Variants in APC observed in about 807,000 individuals in gnomAD.
The protein encoded by APC is adenomatous polyposis coli protein.
APC carries 72 observed loss-of-function variants against 247.0 expected under a neutral mutation model. That is an observed-to-expected ratio of 0.29 (90% confidence interval 0.24 to 0.35). The LOEUF is 0.35. APC is among the 10% of genes least tolerant of loss of function. The pLI, the probability that APC is intolerant of heterozygous loss-of-function variation, is 1.00. For missense variants in APC, 3,400 were observed against 3,360.7 expected (o/e 1.01, Z -0.29); for synonymous variants, 1,254 against 1,162.5 (o/e 1.08, Z -1.60).
chr5:112,715,010 A>G (rs974711743), intron 1 of APC, among the ~76,000 whole-genome samples: 5 of 152,200 alleles, frequency 3.3e-5, no homozygotes, highest in Admixed American at 3.3e-4. Context: ...AGATGTTTAG[A>G]AATTTAAGAA....
chr5:112,747,458 C>G (rs947654447), intron 1 of APC, among the ~76,000 whole-genome samples: 24 of 152,152 alleles, frequency 1.6e-4, no homozygotes, highest in Admixed American at 3.9e-4. Context: ...TTACTACTTT[C>G]AGTTATCCAT....
intron 4 of APC, among the ~76,000 whole-genome samples, chr5:112,772,153 A>G (rs1360791532): frequency 1.3e-5 from 2 of 152,228 alleles, no homozygotes; most frequent in African/African-American, 4.8e-5. Flanking sequence ...AGTAAGGTAG[A>G]GGACTAAGAA....
intron 1 of APC, chr5:112,707,978 CTG>C (rs1750625105): frequency 1.1e-5 from 13 of 1,195,852 alleles, no homozygotes; most frequent in South Asian, 1.6e-5. Flanking sequence ...CGGCCCGACT[CTG>C]TGGCTCTCTT....
chr5:112,778,396 G>A (rs914481015), intron 5 of APC: 1 of 151,566 alleles, frequency 6.6e-6, no homozygotes, highest in African/African-American at 2.4e-5. Context: ...CCTAAAACTG[G>A]AATGAGGCAG....
At chr5:112,760,688 G>A (rs1166480338) in intron 2 of APC, among the ~76,000 whole-genome samples, 2 of 152,210 alleles carry the variant, frequency 1.3e-5, no homozygotes, top group Non-Finnish European at 2.9e-5. Context: ...AGGGTAAGAA[G>A]TTAACTGCTG....
At chr5:112,828,810 A>G (rs767026586) in intron 13 of APC, 46 bp from the exon 14 acceptor site, 6 of 1,349,276 alleles carry the variant, frequency 4.4e-6, no homozygotes, top group Middle Eastern at 1.8e-4. Context: ...AAAAGCAACT[A>G]GTATGATTTT....
intron 8 of APC, among the ~76,000 whole-genome samples, chr5:112,803,379 T>C (rs575278343): frequency 1.2e-4 from 18 of 152,288 alleles, no homozygotes; most frequent in African/African-American, 4.3e-4. Context: ...TAAATGGACA[T>C]TGATCGTAAA....
intron 6 of APC, chr5:112,783,806 AAAAG>A (rs1366778570): frequency 2.6e-6 from 1 of 390,128 alleles, no homozygotes; most frequent in African/African-American, 2.1e-5. Context: ...GAAAGAAAAG[AAAAG>A]AAAGAAAACA....
intron 2 of APC, among the ~76,000 whole-genome samples, chr5:112,761,199 A>G (rs1013776842): frequency 6.6e-6 from 1 of 152,148 alleles, no homozygotes; most frequent in Non-Finnish European, 1.5e-5. Context: ...AATACTATCA[A>G]TCATCTTAAG....
At chr5:112,819,374 C>G (rs1198881814) in intron 10 of APC, 30 bp downstream of exon 10, 1 of 1,613,700 alleles carries the variant, frequency 6.2e-7, no homozygotes, top group Non-Finnish European at 8.5e-7. Context: ...CATCGTAGTG[C>G]ATGTTTCAAA....
chr5:112,732,033 G>A (rs112830974), intron 1 of APC, among the ~76,000 whole-genome samples: 1,694 of 152,238 alleles, frequency 0.011, 22 homozygotes, highest in African/African-American at 0.025. Context: ...AAGTGCTGGG[G>A]TTACAGGCAT....
At chr5:112,801,101 C>T (rs1023226802) in intron 7 of APC, among the ~76,000 whole-genome samples, 178 bp from the exon 8 acceptor site, 2 of 152,080 alleles carry the variant, frequency 1.3e-5, no homozygotes, top group African/African-American at 4.8e-5. Context: ...TTCCCCTTAC[C>T]GAGATAGTCG....
intron 1 of APC, among the ~76,000 whole-genome samples, chr5:112,754,401 A>C (rs934625495): frequency 6.6e-6 from 1 of 152,198 alleles, no homozygotes; most frequent in African/African-American, 2.4e-5. Context: ...CCTTTTATCA[A>C]ATAAAAAGTG....
In APC at chr5:112,732,278, A is replaced by G. The variant is rs182936828; in HGVS notation, c.165+24396A>G. 8.1e-3 allele frequency among the ~76,000 whole-genome samples: 1,232 copies of G among 152,304 alleles called. 74 individuals carry two copies. The highest frequency in any genetic ancestry group is 0.074 in the Admixed American group (1,139 of 15,294). On this transcript the variant is annotated intron_variant, in intron 1 of 13. Coordinates refer to the APC transcript ENST00000507379. ...TGGGAACTTCGAGAGCAGAATCTAA[A>G]GGAGTGCTTGGTGTTTCTCATCCCT...
At chr5:112,726,312 T>C (rs1751774539) in intron 1 of APC, among the ~76,000 whole-genome samples, 1 of 152,092 alleles carries the variant, frequency 6.6e-6, no homozygotes, top group Non-Finnish European at 1.5e-5. Flanking sequence ...TATCGAGTTG[T>C]GGAGGTGGCT....
At chr5:112,758,317 GTTT>G (rs1253860019) in intron 2 of APC, among the ~76,000 whole-genome samples, 2 of 57,976 alleles carry the variant, frequency 3.4e-5, no homozygotes, top group Admixed American at 3.2e-4. Flanking sequence ...TTGTTTGTTT[GTTT>G]TTTGTTTTTT....
In APC at chr5:112,839,723, G is replaced by A. The variant is rs895463163; in HGVS notation, c.4129G>A (p.Val1377Ile). ...QTPKSPPEHYVQETPLMFSRC... is the reference protein window; with the variant it reads ...QTPKSPPEHYIQETPLMFSRC... The stretch of plus-strand genomic sequence containing the variant: ...ACCCAAAAGTCCACCTGAACACTAT[G>A]TTCAGGAGACCCCACTCATGTTTAG... Residue 1377 changes from valine (V) to isoleucine (I), a missense_variant, in exon 16 of 16, where the codon GTT becomes ATT. Val to Ile is a conservative substitution (Grantham distance 29). Around this residue, in one of 9 missense-constraint regions of APC, gnomAD observed 40 missense variants for 75.6 expected, o/e 0.53. Coordinates refer to ENST00000257430, the MANE Select transcript of APC (RefSeq NM_000038.6). This position sits in a 1 kb window ranked among gnomAD's most constrained non-coding sequence, Gnocchi z 5.0. 1 of 1,613,988 alleles carries A rather than the reference G, an allele frequency of 6.2e-7. No homozygotes were observed. Among genetic ancestry groups the A allele is most frequent in the Non-Finnish European group, 8.5e-7 (1 of 1,180,006 alleles).
At chr5:112,719,750 G>A (rs141784572) in intron 1 of APC, among the ~76,000 whole-genome samples, 7,459 of 151,858 alleles carry the variant, frequency 0.049, 336 homozygotes, top group East Asian at 0.13. Context: ...GGCCAGGCTG[G>A]TCTTGAACTC....
chr5:112,828,058 A>G, intron 13 of APC, 52 bp downstream of exon 13: 1 of 1,457,342 alleles, frequency 6.9e-7, no homozygotes, highest in Non-Finnish European at 9.6e-7. Flanking sequence ...TCTTTGAGGC[A>G]GGGTCTCACT....
Sources: gnomAD v4.1 joint callset for allele counts (sites outside exome capture counted in the v4.1 genomes callset) on GRCh38, gnomAD v4.1.1 for gene constraint, gnomAD v4.1.1 regional missense constraint, Gnocchi (gnomAD v3.1) non-coding constraint, MANE v1.5 for transcripts, NCBI Gene and HGNC (gene_info 2026-07-23, HGNC 2026-07-21) for gene names.